CDH4: variants seen among roughly 807,000 people sequenced by gnomAD.
CDH4 encodes cadherin-4.
CDH4 carries 33 observed loss-of-function variants against 86.0 expected under a neutral mutation model. The observed-to-expected ratio is 0.38, with a 90% CI of 0.29 to 0.51. The LOEUF (loss-of-function observed/expected upper bound fraction) is 0.51, where lower values mean the gene tolerates loss of function less well. Among genes scored for constraint, CDH4 ranks in the 20% least tolerant of loss-of-function variants. The pLI is 0.86. For synonymous variants in CDH4, 555 were observed against 549.4 expected, an observed-to-expected ratio of 1.01 and a Z score of -0.14; for missense variants, 1,114 against 1,307.4, an observed-to-expected ratio of 0.85 and a Z score of 2.28.
chr20:61,770,203 T>C (rs2088757840), intron 3 of CDH4, among the ~76,000 whole-genome samples: 1 of 152,152 alleles, frequency 6.6e-6, no homozygotes, highest in African/African-American at 2.4e-5. Context: ...GGTCTCCATG[T>C]TTGCACCTCA....
At chr20:61,330,011 A>G (rs533883129) in intron 2 of CDH4, among the ~76,000 whole-genome samples, 1 of 152,154 alleles carries the variant, frequency 6.6e-6, no homozygotes, top group Non-Finnish European at 1.5e-5. Context: ...TGCAAAGGAC[A>G]TGATCTTGTT....
At chr20:61,565,167 ATGGGGTGGTGG>A (rs2086262769) in intron 2 of CDH4, among the ~76,000 whole-genome samples, 1 of 79,720 alleles carries the variant, frequency 1.3e-5, no homozygotes, top group Non-Finnish European at 2.4e-5. Context: ...CCTCTTGGTG[ATGGGGTGGTGG>A]TGGTGGTGGT....
intron 5 of CDH4, among the ~76,000 whole-genome samples, 165 bp downstream of exon 5, chr20:61,844,988 C>T (rs778717925): frequency 1.5e-4 from 23 of 152,234 alleles, no homozygotes; most frequent in Non-Finnish European, 1.8e-4. Context: ...AAGCCCAGGT[C>T]GCTGGGCACT....
rs755738355 is a variant in CDH4, at chr20:61,873,895, C to G, written c.1045C>G (p.Arg349Gly). 1.1e-5 allele frequency: 18 copies of G among 1,613,200 alleles called. No homozygotes were observed. The highest frequency in any genetic ancestry group is 1.5e-5 in the Non-Finnish European group (18 of 1,179,886). The change falls in exon 7 of 16, where the codon CGA becomes GGA. Residue 349 changes from arginine to glycine, a missense_variant. This residue lies in a region of CDH4 where 705 missense variants were observed against 914.1 expected (regional missense o/e 0.77). Coordinates refer to ENST00000614565, the MANE Select transcript of CDH4 (RefSeq NM_001794.5). ...CGTCACAGTGGCGGCTGGCCTGGAC[C>G]GAGAGGTGAGGCGGGGTGGGGTCTG... ...DIVTVAAGLD[R>G]EKVQQYTVIV...
At chr20:61,522,072 C>T (rs1257749389) in intron 2 of CDH4, among the ~76,000 whole-genome samples, 1 of 152,236 alleles carries the variant, frequency 6.6e-6, no homozygotes. Flanking sequence ...TGGGAGCTCT[C>T]AGAGATTCGC....
intron 4 of CDH4, among the ~76,000 whole-genome samples, chr20:61,803,592 G>A (rs963533414): frequency 1.3e-5 from 2 of 152,220 alleles, no homozygotes; most frequent in East Asian, 1.9e-4. Flanking sequence ...CGGGCGAGCC[G>A]CAGGCCTGGT....
intron 6 of CDH4, among the ~76,000 whole-genome samples, chr20:61,870,732 A>G (rs1246699677): frequency 3.3e-5 from 5 of 152,100 alleles, no homozygotes; most frequent in Non-Finnish European, 1.5e-5. Context: ...ACCGACCCCC[A>G]TGACTTTCCC....
rs981037656 is a variant in CDH4, at chr20:61,408,340, G to C, written c.169+153403G>C. Among the ~76,000 whole-genome samples the C allele has an allele frequency of 3.9e-5, 6 of 152,132 alleles. No individual in the cohort carries two copies. In the South Asian group the frequency reaches 8.3e-4, roughly 21 times the overall value. ...ACAGATGGTGATGCGGTTTAACTTG[G>C]GGGGTGGTGTTGCCTGGGAATGGAT... On this transcript the variant is annotated intron_variant, in intron 2 of 15. Transcript: ENST00000614565.
chr20:61,451,128 C>CT (rs11481263), intron 2 of CDH4, among the ~76,000 whole-genome samples: 1,401 of 111,046 alleles, frequency 0.013, 26 homozygotes, highest in African/African-American at 0.039. Context: ...TCACGCCCCC[C>CT]CCCTTCCCTC....
At chr20:61,833,954 G>A (rs1451462178) in intron 4 of CDH4, among the ~76,000 whole-genome samples, 1 of 152,246 alleles carries the variant, frequency 6.6e-6, no homozygotes, top group Non-Finnish European at 1.5e-5. Flanking sequence ...AGGAGTGGGA[G>A]ACATCCATTC....
chr20:61,286,927 C>A (rs565566786), intron 2 of CDH4, among the ~76,000 whole-genome samples: 10 of 152,122 alleles, frequency 6.6e-5, no homozygotes, highest in Non-Finnish European at 1.5e-4. Flanking sequence ...CCAGAGAAGC[C>A]GATTGTCTTA....
intron 2 of CDH4, among the ~76,000 whole-genome samples, chr20:61,588,040 G>T (rs186433550): frequency 1.3e-5 from 2 of 152,150 alleles, no homozygotes; most frequent in African/African-American, 4.8e-5. Flanking sequence ...TGATGTCCTG[G>T]TGCAGCTGTG....
chr20:61,570,625 GGACA>G lies in CDH4; in HGVS notation c.170-172933_170-172930del, dbSNP rs2086334736. On this transcript the variant is annotated intron_variant, in intron 2 of 15. Coordinates refer to ENST00000614565, the MANE Select transcript of CDH4 (RefSeq NM_001794.5). ...AAGGGTCCTGGTGTGTTTGGGAATG[GGACA>G]GACAATTTTGTTTTTCACAATGGTA... is the stretch of plus-strand genomic sequence containing the variant. 1.1e-5 allele frequency: 8 copies of G among 702,172 alleles called. No homozygotes were observed. In the East Asian group the frequency reaches 2.1e-4, roughly 19 times the overall value. The allele number at this position is 702,172 out of a possible 1,614,324, so 43.5% of individuals were successfully genotyped here.
At chr20:61,579,434 G>A (rs961459179) in intron 2 of CDH4, among the ~76,000 whole-genome samples, 10 of 151,924 alleles carry the variant, frequency 6.6e-5, no homozygotes, top group African/African-American at 2.4e-4. Flanking sequence ...TTACAGGCAG[G>A]CATCACCATG....
chr20:61,425,177 A>G (rs755619738), intron 2 of CDH4, among the ~76,000 whole-genome samples: 1 of 152,200 alleles, frequency 6.6e-6, no homozygotes, highest in Non-Finnish European at 1.5e-5. Context: ...CATGGTGCAG[A>G]GCTGCCTGCA....
chr20:61,814,990 G>T (rs1208500470), intron 4 of CDH4, among the ~76,000 whole-genome samples: 1 of 152,188 alleles, frequency 6.6e-6, no homozygotes, highest in Non-Finnish European at 1.5e-5. Flanking sequence ...GCTGAGGTTG[G>T]GAGGCACCCC....
At chr20:61,352,618 G>T (rs1213940794) in intron 2 of CDH4, among the ~76,000 whole-genome samples, 1 of 152,192 alleles carries the variant, frequency 6.6e-6, no homozygotes, top group African/African-American at 2.4e-5. Context: ...GATTTCTATC[G>T]CCTGGTTCTG....
At chr20:61,386,904 G>A (rs924714311) in intron 2 of CDH4, among the ~76,000 whole-genome samples, 3 of 152,202 alleles carry the variant, frequency 2.0e-5, no homozygotes, top group African/African-American at 7.2e-5. Context: ...GGGAGGAGGC[G>A]TCAGGACCGG....
At chr20:61,583,520 G>A (rs1034392371) in intron 2 of CDH4, among the ~76,000 whole-genome samples, 1 of 152,166 alleles carries the variant, frequency 6.6e-6, no homozygotes, top group Non-Finnish European at 1.5e-5. Flanking sequence ...GACAGAGGCA[G>A]CTGCGAGGTG....
Sources: gnomAD v4.1 joint callset for allele counts (sites outside exome capture counted in the v4.1 genomes callset) on GRCh38, gnomAD v4.1.1 for gene constraint, gnomAD v4.1.1 regional missense constraint, MANE v1.5 for transcripts, NCBI Gene and HGNC (gene_info 2026-07-23, HGNC 2026-07-21) for gene names.